Variants in RANBP9 observed in about 807,000 individuals in gnomAD.
RANBP9 encodes ran-binding protein 9.
A neutral mutation model predicts 84.3 loss-of-function variants in RANBP9; 15 were observed. The ratio of observed to expected loss-of-function variants is 0.18; its 90% CI spans 0.12 to 0.27. RANBP9 has a LOEUF of 0.27. Ranked by LOEUF, RANBP9 falls within the 10% of genes least tolerant of loss-of-function variation. The pLI is 1.00. For missense variants in RANBP9, 809 were observed against 912.8 expected (o/e 0.89, Z 1.46); for synonymous variants, 392 against 349.6 (o/e 1.12, Z -1.35).
intron 13 of RANBP9, among the ~76,000 whole-genome samples, chr6:13,625,405 T>C (rs562109552): frequency 5.9e-5 from 9 of 152,314 alleles, no homozygotes; most frequent in Admixed American, 1.3e-4. Flanking sequence ...CTTACATACA[T>C]GCACACAAAA....
intron 2 of RANBP9, among the ~76,000 whole-genome samples, chr6:13,695,841 A>C (rs745534099): frequency 7.2e-5 from 11 of 152,160 alleles, no homozygotes; most frequent in Non-Finnish European, 1.3e-4. Context: ...ATAAAGGAGT[A>C]ATCTACTGAA....
chr6:13,647,727 AATACT>A (rs1169164055), intron 5 of RANBP9, among the ~76,000 whole-genome samples: 1 of 152,180 alleles, frequency 6.6e-6, no homozygotes, highest in African/African-American at 2.4e-5. Flanking sequence ...TTAAGTATTT[AATACT>A]ATACATTACT....
At chr6:13,678,372 T>C (rs1765945915) in intron 2 of RANBP9, among the ~76,000 whole-genome samples, 1 of 152,204 alleles carries the variant, frequency 6.6e-6, no homozygotes, top group South Asian at 2.1e-4. Flanking sequence ...ATGTTTCTTA[T>C]TTACTATATT....
intron 11 of RANBP9, among the ~76,000 whole-genome samples, chr6:13,633,277 G>A (rs1321243921): frequency 6.6e-6 from 1 of 152,044 alleles, no homozygotes; most frequent in Non-Finnish European, 1.5e-5. Flanking sequence ...CTTGTGATCC[G>A]CCCACCTCGG....
At chr6:13,661,201 C>T (rs1765532057) in intron 2 of RANBP9, among the ~76,000 whole-genome samples, 1 of 152,106 alleles carries the variant, frequency 6.6e-6, no homozygotes, top group African/African-American at 2.4e-5. Flanking sequence ...AGAGGAGAAA[C>T]CTCTTAACCA....
intron 2 of RANBP9, among the ~76,000 whole-genome samples, chr6:13,679,801 C>T (rs751134924): frequency 3.3e-5 from 5 of 152,076 alleles, no homozygotes; most frequent in Non-Finnish European, 7.4e-5. Context: ...ACTATGGAGA[C>T]TGAGATGCGT....
At chr6:13,706,003 T>C (rs1758107293) in intron 1 of RANBP9, among the ~76,000 whole-genome samples, 1 of 152,130 alleles carries the variant, frequency 6.6e-6, no homozygotes. Flanking sequence ...CAATTATATT[T>C]AGGAAGTGTT....
At chr6:13,622,624 G>C in intron 13 of RANBP9, 132 bp from the exon 14 acceptor site, 2 of 1,008,460 alleles carry the variant, frequency 2.0e-6, no homozygotes, top group Non-Finnish European at 2.7e-6. Flanking sequence ...AGCAAATGAA[G>C]GTTTCTAAGC....
At chr6:13,696,557 T>C (rs997680075) in intron 2 of RANBP9, among the ~76,000 whole-genome samples, 1 of 152,196 alleles carries the variant, frequency 6.6e-6, no homozygotes, top group Admixed American at 6.5e-5. Context: ...AAATTCTCCA[T>C]TTTAATAATA....
At chr6:13,634,269 C>T (rs1455631726) in intron 11 of RANBP9, among the ~76,000 whole-genome samples, 162 bp downstream of exon 11, 1 of 152,130 alleles carries the variant, frequency 6.6e-6, no homozygotes, top group Non-Finnish European at 1.5e-5. Context: ...CTCTAGCAGC[C>T]CACTCAAACA....
chr6:13,664,879 GTAATC>G (rs1438916728), intron 2 of RANBP9, among the ~76,000 whole-genome samples: 1 of 152,192 alleles, frequency 6.6e-6, no homozygotes, highest in Non-Finnish European at 1.5e-5. Context: ...CATGGGCTGA[GTAATC>G]TAAACAGTAT....
intron 12 of RANBP9, among the ~76,000 whole-genome samples, chr6:13,628,834 A>T (rs917120231): frequency 6.6e-6 from 1 of 152,228 alleles, no homozygotes; most frequent in Non-Finnish European, 1.5e-5. Context: ...AGTAGCATTA[A>T]TGTAGTAGTG....
At chr6:13,680,245 C>T (rs1173243213) in intron 2 of RANBP9, among the ~76,000 whole-genome samples, 1 of 152,108 alleles carries the variant, frequency 6.6e-6, no homozygotes, top group Non-Finnish European at 1.5e-5. Flanking sequence ...AGAACAAATA[C>T]TGAAAACCAT....
intron 13 of RANBP9, among the ~76,000 whole-genome samples, chr6:13,623,500 A>C (rs1203819600): frequency 4.6e-5 from 7 of 152,250 alleles, no homozygotes; most frequent in African/African-American, 1.7e-4. Flanking sequence ...AAACAGGATT[A>C]AGAATAAACG....
At position 13,658,578 on chromosome 6, in the gene RANBP9, C is replaced by T. The variant is rs572881059; in HGVS notation, c.736+202G>A. ...TGGGCCAAAACTGCGCCACTGCCCT[C>T]CAACCTGGGTGACACAGTGAGACTC... On this transcript the variant is annotated intron_variant, in intron 3 of 13. Transcript: ENST00000011619. Among the ~76,000 whole-genome samples the T allele has an allele frequency of 1.8e-4, 27 of 152,286 alleles. No homozygotes were observed. In the East Asian group the frequency reaches 4.1e-3, roughly 23 times the overall value.
At chr6:13,652,565 G>T in intron 5 of RANBP9, 94 bp downstream of exon 5, 2 of 1,174,056 alleles carry the variant, frequency 1.7e-6, no homozygotes, top group South Asian at 2.8e-5. Context: ...ATATCAATAA[G>T]ACTGTATTTT....
intron 2 of RANBP9, among the ~76,000 whole-genome samples, chr6:13,672,900 T>G (rs560521211): frequency 6.7e-6 from 1 of 149,904 alleles, no homozygotes; most frequent in Non-Finnish European, 1.5e-5. Flanking sequence ...AACATGGTAT[T>G]TGAGAATGGA....
chr6:13,660,798 C>T (rs1416048784), intron 2 of RANBP9, among the ~76,000 whole-genome samples: 1 of 152,170 alleles, frequency 6.6e-6, no homozygotes, highest in Non-Finnish European at 1.5e-5. Flanking sequence ...AGAAACAACA[C>T]ATAGATGTCT....
intron 2 of RANBP9, among the ~76,000 whole-genome samples, chr6:13,683,845 G>A (rs1277648828): frequency 1.3e-5 from 2 of 151,724 alleles, no homozygotes; most frequent in African/African-American, 4.8e-5. Context: ...GGGTGATTTG[G>A]GATTTAAACT....
Sources: allele counts gnomAD v4.1 joint callset (sites outside exome capture counted in the v4.1 genomes callset), GRCh38; gene constraint gnomAD v4.1.1; transcripts MANE v1.5; gene names NCBI Gene and HGNC (gene_info 2026-07-23, HGNC 2026-07-21).